The following EME2 variants were observed in gnomAD, a reference collection of about 807,000 sequenced individuals.
EME2 encodes essential meiotic structure-specific endonuclease subunit 2.
A neutral mutation model predicts 41.9 loss-of-function variants in EME2; 58 were observed. That is an observed-to-expected ratio of 1.38 (90% CI 1.12 to 1.72). The LOEUF (loss-of-function observed/expected upper bound fraction) is 1.72, where lower values mean the gene tolerates loss of function less well. Ranked by LOEUF, EME2 falls within the 40% of genes most tolerant of loss-of-function variation. The pLI is 0.00. For missense variants in EME2, 695 were observed against 541.9 expected, an observed-to-expected ratio of 1.28 and a Z score of -2.81; for synonymous variants, 334 against 239.3, an observed-to-expected ratio of 1.40 and a Z score of -3.65.
At position 1,780,792 on chromosome 16, in the gene EME2, G is replaced by A. The variant is rs145417370; in HGVS notation, c.*4554G>A. The A allele has an allele frequency of 8.6e-6, 2 of 231,524 alleles. No individual in the cohort carries two copies. The highest frequency in any genetic ancestry group is 2.4e-4 in the East Asian group (2 of 8,396). 14.3% of individuals were successfully genotyped at this position (231,524 alleles called of 1,614,324 possible). A position where few individuals can be genotyped will look rare whatever the true frequency, so the allele number is the denominator to read the frequency against. On this transcript the variant is annotated 3_prime_UTR_variant, in exon 8 of 8. Transcript: ENST00000568449. ...CTGTCACCCAGGCTGGAACGCACTG[G>A]TGTGATCACGGCTCACTGCAGCCTT...
rs2042705656 is a variant in EME2 at position 1,775,958 on chromosome 16, C to G, written c.941C>G (p.Ala314Gly). The part of the protein sequence containing the change: ...SPAVADAVVT[A>G]FPSPRLLQQA... ...GCCGTGGCTGATGCAGTTGTCACAG[C>G]CTTCCCCTCCCCCCGCCTTCTGCAG... Residue 314 changes from alanine (A) to glycine (G), a missense_variant, in exon 7 of 8, where the codon GCC (alanine) becomes GGC (glycine). Transcript: ENST00000568449. 1 of 1,610,428 alleles carries G rather than the reference C, an allele frequency of 6.2e-7. No homozygotes were observed. Among genetic ancestry groups the G allele is most frequent in the African/African-American group, 1.3e-5 (1 of 74,922 alleles).
At position 1,773,393 on chromosome 16, in the gene EME2, G is replaced by A; in HGVS notation, c.166G>A (p.Glu56Lys). Residue 56 changes from glutamate to lysine, a missense_variant, in exon 1 of 8, where the codon GAG becomes AAG. Coordinates refer to ENST00000568449, the MANE Select transcript of EME2 (RefSeq NM_001257370.2). ...CGCGAGAGCCCGGGACCCAGCGGGT[G>A]AGCGCAGGGCGGCTGCCGAGGCGTT... ...AAARARDPAG[E>K]RRAAAEALRL... 1.3e-6 allele frequency: 2 copies of A among 1,558,202 alleles called. No homozygotes were observed. The highest frequency in any genetic ancestry group is 1.7e-6 in the Non-Finnish European group (2 of 1,161,602).
Position 1,781,688 on chromosome 16 carries a change from T to G in EME2, c.*5450T>G. 1.7e-6 allele frequency: 1 copy of G among 597,908 alleles called. No homozygotes were observed. Among genetic ancestry groups the G allele is most frequent in the Admixed American group, 3.1e-5 (1 of 32,146 alleles). The allele number at this position is 597,908 out of a possible 1,614,324, so 37.0% of individuals were successfully genotyped here. On this transcript the variant is annotated 3_prime_UTR_variant, in exon 8 of 8. Coordinates refer to ENST00000568449, the MANE Select transcript of EME2 (RefSeq NM_001257370.2). ...AGCAGCTCAATAAAACCCAGGTAGA[T>G]CCTGTGAAACGCCACCCAGACACCC...
Position 1,778,008 on chromosome 16 carries a change from T to C in EME2, c.*1770T>C. 6.2e-7 allele frequency: 1 copy of C among 1,612,972 alleles called. No individual in the cohort carries two copies. Among genetic ancestry groups the C allele is most frequent in the Non-Finnish European group, 8.5e-7 (1 of 1,179,956 alleles). On this transcript the variant is annotated 3_prime_UTR_variant, in exon 8 of 8. Transcript: ENST00000568449. ...CAGCAGGCTGCAGAACGTGTGGCGG[T>C]ATTTGTCCAGGTCCACATCCGACGT...
Position 1,779,426 on chromosome 16 carries a change from G to A in EME2, c.*3188G>A, listed in dbSNP as rs900352417. 6.6e-6 allele frequency: 1 copy of A among 152,458 alleles called. No homozygotes were observed. The highest frequency in any genetic ancestry group is 1.5e-5 in the Non-Finnish European group (1 of 68,220). 9.4% of individuals were successfully genotyped at this position (152,458 alleles called of 1,614,324 possible). ...TGAGGGTTGAGGGCTGGTCCAGAGA[G>A]ATGATGTGATCCCCAGGAGAAGCCA... On this transcript the variant is annotated 3_prime_UTR_variant, in exon 8 of 8. Transcript: ENST00000568449.
chr16:1,777,005 C>T lies in EME2; in HGVS notation c.*767C>T, dbSNP rs1433037475. ...CGGACGGGCCTCATCCAACTCCGCC[C>T]TGGAGTGTGGCTGGAAGGAAGGGAC... On this transcript the variant is annotated 3_prime_UTR_variant, in exon 8 of 8. Transcript: ENST00000568449. The T allele has an allele frequency of 2.1e-6, 3 of 1,456,200 alleles. No homozygotes were observed. Among genetic ancestry groups the T allele is most frequent in the Non-Finnish European group, 2.8e-6 (3 of 1,073,124 alleles). The allele number at this position is 1,456,200 out of a possible 1,614,324, so 90.2% of individuals were successfully genotyped here.
At chr16:1,775,772 C>G (rs758026919) in intron 6 of EME2, 25 bp from the exon 7 acceptor site, 1 of 1,612,260 alleles carries the variant, frequency 6.2e-7, no homozygotes, top group Non-Finnish European at 8.5e-7. Context: ...ACATGAGGTT[C>G]TAAAAGGCTT....
chr16:1,773,577 G>T, intron 1 of EME2, 103 bp downstream of exon 1: 1 of 1,518,522 alleles, frequency 6.6e-7, no homozygotes, highest in East Asian at 2.5e-5. Context: ...GAGGGGCCTG[G>T]GGCCGGGCCC....
chr16:1,775,214 G>A lies in EME2; in HGVS notation c.569+82G>A, dbSNP rs774901561. ...GTGGGCACACTTCTGGGGTTGCTGTGGCACAGCTGATCCCACTTCTCCAGG... is the reference window on the plus strand; with the variant it reads ...GTGGGCACACTTCTGGGGTTGCTGTAGCACAGCTGATCCCACTTCTCCAGG... On this transcript the variant is annotated intron_variant, in intron 4 of 7. Transcript: ENST00000568449. 17 of 1,586,870 alleles carry A rather than the reference G, an allele frequency of 1.1e-5. No individual in the cohort carries two copies. In the South Asian group the frequency reaches 1.9e-4, roughly 18 times the overall value.
At position 1,777,320 on chromosome 16, in the gene EME2, C is replaced by T. The variant is rs1194485347; in HGVS notation, c.*1082C>T. On this transcript the variant is annotated 3_prime_UTR_variant, in exon 8 of 8. Transcript: ENST00000568449. ...TGGCCGCAGCTGGCGCAGGCGGTGG[C>T]AGCACAGGTACTGGAGGGAAGTGGC... The T allele has an allele frequency of 6.2e-7, 1 of 1,609,648 alleles. No individual in the cohort carries two copies. The highest frequency in any genetic ancestry group is 8.5e-7 in the Non-Finnish European group (1 of 1,179,640).
rs149705251 is a variant in EME2 at position 1,778,958 on chromosome 16, G to A, written c.*2720G>A. The A allele has an allele frequency of 2.6e-3, 546 of 212,676 alleles. 5 individuals are homozygous for A. Among genetic ancestry groups the A allele is most frequent in the African/African-American group, 0.011 (466 of 43,564 alleles). 13.2% of individuals were successfully genotyped at this position (212,676 alleles called of 1,614,324 possible). A position where few individuals can be genotyped will look rare whatever the true frequency, so the allele number is the denominator to read the frequency against. On this transcript the variant is annotated 3_prime_UTR_variant, in exon 8 of 8. Transcript: ENST00000568449. ...ACACCTTCCCTGCTAGGCCAGCCCT[G>A]CAGGGGCCCCCAGGCAAGGCCACCA...
At position 1,775,113 on chromosome 16, in the gene EME2, G is replaced by C; in HGVS notation, c.550G>C (p.Gly184Arg). ...CGCCCGGCCCCACCTGGCTGTCATCGGGCTGGATGCCTACCTGTGGTACCG... is the reference window on the plus strand; with the variant it reads ...CGCCCGGCCCCACCTGGCTGTCATCCGGCTGGATGCCTACCTGTGGTACCG... Reference protein sequence around the residue: ...TTARPHLAVIGLDAYLWSRQH... With the variant: ...TTARPHLAVIRLDAYLWSRQH... The change falls in exon 4 of 8, where the codon GGG (glycine) becomes CGG (arginine). Residue 184 changes from glycine to arginine, a missense_variant. Gly to Arg is a moderately radical substitution (Grantham distance 125). Transcript: ENST00000568449. 2 of 1,611,940 alleles carry C rather than the reference G, an allele frequency of 1.2e-6. No individual in the cohort carries two copies. Among genetic ancestry groups the C allele is most frequent in the South Asian group, 1.1e-5 (1 of 91,086 alleles).
At position 1,774,241 on chromosome 16, in the gene EME2, C is replaced by T; in HGVS notation, c.385-19C>T. Reference sequence around the variant, plus strand: ...CCCGGGGTTGAGACAGGCAGCAGCGCGTCCCCATGTCCCCACAGCTGCCTC... The same window carrying T: ...CCCGGGGTTGAGACAGGCAGCAGCGTGTCCCCATGTCCCCACAGCTGCCTC... On this transcript the variant is annotated intron_variant, in intron 2 of 7. Transcript: ENST00000568449. The T allele has an allele frequency of 6.2e-7, 1 of 1,605,620 alleles. No homozygotes were observed. The highest frequency in any genetic ancestry group is 8.5e-7 in the Non-Finnish European group (1 of 1,174,010).
chr16:1,776,025 GC>G (rs2141983889), intron 7 of EME2, 39 bp downstream of exon 7: 2 of 1,605,360 alleles, frequency 1.2e-6, no homozygotes, highest in Non-Finnish European at 8.5e-7. Flanking sequence ...AGGTGCAGAA[GC>G]CCCGTCCCCA....
chr16:1,774,221 G>A (rs778432583), intron 2 of EME2, 39 bp from the exon 3 acceptor site: 6 of 1,585,412 alleles, frequency 3.8e-6, no homozygotes, highest in Non-Finnish European at 8.6e-7. Flanking sequence ...GGGCACCCGG[G>A]GTTGAGACAG....
chr16:1,776,187 C>T lies in EME2; in HGVS notation c.1089C>T (p.Cys363=), dbSNP rs1304109604. ...RVGPDLSRRI[C]LFLTTANPDL... Reference sequence around the variant, plus strand: ...GGCCTGACCTCTCCCGCCGCATCTGCCTCTTCCTGACCACAGCCAACCCTG... The same window carrying T: ...GGCCTGACCTCTCCCGCCGCATCTGTCTCTTCCTGACCACAGCCAACCCTG... The change falls in exon 8 of 8, where the codon TGC becomes TGT. Residue 363 remains cysteine (C), a synonymous_variant. Transcript: ENST00000568449. 9 of 1,612,526 alleles carry T rather than the reference C, an allele frequency of 5.6e-6. No homozygotes were observed. The highest frequency in any genetic ancestry group is 7.6e-6 in the Non-Finnish European group (9 of 1,179,984).
intron 1 of EME2, 109 bp downstream of exon 1, chr16:1,773,583 G>T: frequency 6.6e-7 from 1 of 1,519,688 alleles, no homozygotes. Flanking sequence ...CCTGGGGCCG[G>T]GCCCGCCTCC....
intron 1 of EME2, 101 bp downstream of exon 1, chr16:1,773,575 T>A (rs1408284502): frequency 6.6e-7 from 1 of 1,517,340 alleles, no homozygotes; most frequent in Non-Finnish European, 8.8e-7. Flanking sequence ...CCGAGGGGCC[T>A]GGGGCCGGGC....
At chr16:1,773,513 G>A (rs2042662144) in intron 1 of EME2, 39 bp downstream of exon 1, 2 of 1,564,544 alleles carry the variant, frequency 1.3e-6, no homozygotes, top group Non-Finnish European at 1.7e-6. Context: ...GGGTAGGAAA[G>A]GCCTTTCTCC....
Sources: gnomAD v4.1 joint callset for allele counts on GRCh38, gnomAD v4.1.1 for gene constraint, MANE v1.5 for transcripts, NCBI Gene and HGNC (gene_info 2026-07-23, HGNC 2026-07-21) for gene names.